TAFA5: variants seen among roughly 807,000 people sequenced by gnomAD.
TAFA5 encodes chemokine-like protein TAFA-5.
In TAFA5, 6 loss-of-function variants were observed where a neutral mutation model predicts 15.3. The ratio of observed to expected loss-of-function variants is 0.39; its 90% CI spans 0.21 to 0.77. The LOEUF (loss-of-function observed/expected upper bound fraction) is 0.77, where lower values mean the gene tolerates loss of function less well. Ranked by LOEUF, TAFA5 falls within the 30% of genes least tolerant of loss-of-function variation. The pLI is 0.41. For synonymous variants in TAFA5, 103 were observed against 80.7 expected (o/e 1.28, Z -1.48); for missense variants, 161 against 193.1 (o/e 0.83, Z 0.98).
Position 48,529,141 on chromosome 22 carries a change from A to G in TAFA5, c.112+39437A>G, listed in dbSNP as rs543924239. On this transcript the variant is annotated intron_variant, in intron 1 of 3. Coordinates refer to ENST00000402357, the MANE Select transcript of TAFA5 (RefSeq NM_001082967.3). ...GCATGCCTAGGACCTGGGTAGAGGC[A>G]GAAAAATCAAGGTGGAGGCTGTTGA... Among the ~76,000 whole-genome samples, 21 of 142,740 alleles carry G rather than the reference A, an allele frequency of 1.5e-4. No individual in the cohort carries two copies. The East Asian group carries it at 4.2e-3, about 29-fold the overall frequency. The allele number at this position is 142,740 out of a possible 152,430, so 93.6% of individuals were successfully genotyped here. A position where few individuals can be genotyped will look rare whatever the true frequency, so the allele number is the denominator to read the frequency against.
intron 3 of TAFA5, among the ~76,000 whole-genome samples, chr22:48,720,847 C>A (rs139244756): frequency 4.6e-4 from 70 of 152,306 alleles, no homozygotes; most frequent in African/African-American, 1.6e-3. Context: ...ACAGTGCAGA[C>A]CACGGAATGC....
chr22:48,622,047 C>A (rs928312972), intron 1 of TAFA5, among the ~76,000 whole-genome samples: 1 of 152,116 alleles, frequency 6.6e-6, no homozygotes, highest in African/African-American at 2.4e-5. Flanking sequence ...CATTCCAGAA[C>A]AACTTCTCAC....
At chr22:48,626,224 T>G (rs1215103579) in intron 1 of TAFA5, among the ~76,000 whole-genome samples, 4 of 152,340 alleles carry the variant, frequency 2.6e-5, no homozygotes, top group African/African-American at 7.2e-5. Flanking sequence ...AGTGTGATTT[T>G]GGGATCGTAT....
chr22:48,559,300 C>G (rs1329342772), intron 1 of TAFA5, among the ~76,000 whole-genome samples: 3 of 152,212 alleles, frequency 2.0e-5, no homozygotes, highest in Non-Finnish European at 4.4e-5. Flanking sequence ...AAGTGGGCCC[C>G]ATGGTGGAGG....
chr22:48,592,513 C>T (rs1339141482), intron 1 of TAFA5, among the ~76,000 whole-genome samples: 2 of 152,218 alleles, frequency 1.3e-5, no homozygotes, highest in South Asian at 2.1e-4. Context: ...GGTCTCTTCC[C>T]CCTCCTGCTG....
chr22:48,691,993 C>T (rs1010851100), intron 2 of TAFA5, among the ~76,000 whole-genome samples: 1 of 152,192 alleles, frequency 6.6e-6, no homozygotes, highest in African/African-American at 2.4e-5. Context: ...GGGCCTGTGC[C>T]ACCAGCTCCT....
intron 2 of TAFA5, among the ~76,000 whole-genome samples, chr22:48,690,137 G>T (rs1191626503): frequency 6.6e-6 from 1 of 152,012 alleles, no homozygotes; most frequent in Non-Finnish European, 1.5e-5. Flanking sequence ...CTCCTGCATG[G>T]AAAGATGCTC....
Position 48,564,272 on chromosome 22 carries a change from G to A in TAFA5, c.112+74568G>A, listed in dbSNP as rs139458214. 8.4e-3 allele frequency among the ~76,000 whole-genome samples: 1,273 copies of A among 152,382 alleles called. 10 individuals carry two copies. Among genetic ancestry groups the A allele is most frequent in the South Asian group, 0.027 (131 of 4,834 alleles). ...GCGGAACAGGGACGCTCCAGGTTGC[G>A]CGGATGGGAGGCCTAGGCCTGGGCA... On this transcript the variant is annotated intron_variant, in intron 1 of 3. Transcript: ENST00000402357.
intron 1 of TAFA5, among the ~76,000 whole-genome samples, chr22:48,538,506 G>A (rs1046188428): frequency 6.6e-6 from 1 of 152,196 alleles, no homozygotes; most frequent in African/African-American, 2.4e-5. Flanking sequence ...GGTGGTGGCC[G>A]GAATCAGAGC....
chr22:48,672,575 T>C (rs1417833181), intron 2 of TAFA5, among the ~76,000 whole-genome samples: 1 of 152,198 alleles, frequency 6.6e-6, no homozygotes, highest in African/African-American at 2.4e-5. Context: ...AAACAGATTT[T>C]CTTTTGGAGC....
intron 1 of TAFA5, among the ~76,000 whole-genome samples, chr22:48,636,283 G>A (rs545072133): frequency 2.0e-5 from 3 of 152,228 alleles, no homozygotes; most frequent in Non-Finnish European, 4.4e-5. Flanking sequence ...TGGCTGTTCC[G>A]TGGGGGAACC....
chr22:48,601,987 T>C (rs1209194449), intron 1 of TAFA5, among the ~76,000 whole-genome samples: 1 of 152,190 alleles, frequency 6.6e-6, no homozygotes, highest in Non-Finnish European at 1.5e-5. Context: ...GTGAGCGGCA[T>C]GCACCTTCCA....
chr22:48,534,755 G>A (rs931728046), intron 1 of TAFA5, among the ~76,000 whole-genome samples: 9 of 152,182 alleles, frequency 5.9e-5, no homozygotes, highest in Admixed American at 1.3e-4. Flanking sequence ...GCTCTCCGGC[G>A]GGCACCGCGG....
intron 1 of TAFA5, among the ~76,000 whole-genome samples, chr22:48,558,437 A>G (rs542465828): frequency 1.3e-5 from 2 of 152,162 alleles, no homozygotes; most frequent in South Asian, 2.1e-4. Context: ...TGGGGCTCAT[A>G]ATCATTTGCA....
intron 1 of TAFA5, among the ~76,000 whole-genome samples, chr22:48,591,407 T>C (rs1924562557): frequency 1.3e-5 from 2 of 152,210 alleles, no homozygotes; most frequent in Admixed American, 1.3e-4. Context: ...CCCGCTCTCC[T>C]CCCACCCCCG....
At chr22:48,593,663 C>T (rs980718783) in intron 1 of TAFA5, among the ~76,000 whole-genome samples, 3 of 152,208 alleles carry the variant, frequency 2.0e-5, no homozygotes, top group African/African-American at 4.8e-5. Flanking sequence ...GGCGCCTTCT[C>T]ACCGCGCGCT....
chr22:48,643,420 T>C (rs568148147), intron 1 of TAFA5, among the ~76,000 whole-genome samples: 2 of 152,192 alleles, frequency 1.3e-5, no homozygotes, highest in African/African-American at 4.8e-5. Context: ...GAGTGTTCGG[T>C]TGGCCGTGGC....
intron 2 of TAFA5, among the ~76,000 whole-genome samples, chr22:48,669,327 G>A (rs1008912920): frequency 5.9e-5 from 9 of 152,234 alleles, no homozygotes; most frequent in South Asian, 2.1e-4. Context: ...CATGAGCTTC[G>A]CCTGCAGGGA....
intron 3 of TAFA5, among the ~76,000 whole-genome samples, chr22:48,715,648 T>G (rs1466679961): frequency 1.3e-5 from 2 of 152,190 alleles, no homozygotes; most frequent in Non-Finnish European, 2.9e-5. Context: ...TAGGTGTCAT[T>G]ACCCCAAGCC....
Sources: gnomAD v4.1 joint callset for allele counts (sites outside exome capture counted in the v4.1 genomes callset) on GRCh38, gnomAD v4.1.1 for gene constraint, MANE v1.5 for transcripts, NCBI Gene and HGNC (gene_info 2026-07-23, HGNC 2026-07-21) for gene names.